The following NRG2 variants were observed in gnomAD, a reference collection of about 807,000 sequenced individuals.
The protein encoded by NRG2 is neuregulin 2, also known as pro-neuregulin-2, membrane-bound isoform.
Under a neutral mutation model 73.9 loss-of-function variants are expected in NRG2, and 27 were observed. That is an observed-to-expected ratio of 0.37 (90% CI 0.27 to 0.50). The LOEUF is 0.50. Ranked by LOEUF, NRG2 falls within the 20% of genes least tolerant of loss-of-function variation. The pLI is 0.96. For missense variants in NRG2, 1,126 were observed against 1,210.1 expected, an observed-to-expected ratio of 0.93 and a Z score of 1.03; for synonymous variants, 532 against 541.0, an observed-to-expected ratio of 0.98 and a Z score of 0.23.
At chr5:139,884,374 G>A (rs956847562) in intron 2 of NRG2, among the ~76,000 whole-genome samples, 2 of 152,192 alleles carry the variant, frequency 1.3e-5, no homozygotes, top group African/African-American at 4.8e-5. Context: ...CTGGGCCCAA[G>A]TCCAGAGCCA....
chr5:140,016,955 A>G (rs1358782678), intron 1 of NRG2, among the ~76,000 whole-genome samples: 5 of 152,208 alleles, frequency 3.3e-5, no homozygotes, highest in Non-Finnish European at 7.3e-5. Context: ...GTTTTGTTGT[A>G]ATATATGCTA....
intron 1 of NRG2, among the ~76,000 whole-genome samples, chr5:139,890,197 T>C (rs1251833141): frequency 6.6e-6 from 1 of 152,098 alleles, no homozygotes; most frequent in East Asian, 1.9e-4. Flanking sequence ...AACGTCTCTT[T>C]GTCATTTTAA....
At chr5:139,928,425 T>C (rs1752219319) in intron 1 of NRG2, among the ~76,000 whole-genome samples, 1 of 152,216 alleles carries the variant, frequency 6.6e-6, no homozygotes, top group South Asian at 2.1e-4. Context: ...TCTTCTTCAC[T>C]GATGCACACT....
At chr5:139,892,973 C>T (rs558308785) in intron 1 of NRG2, among the ~76,000 whole-genome samples, 1 of 152,242 alleles carries the variant, frequency 6.6e-6, no homozygotes, top group South Asian at 2.1e-4. Context: ...GTAACCACCC[C>T]TACTCCGCAA....
Position 139,848,143 on chromosome 5 carries a change from G to A in NRG2, c.2327C>T (p.Ala776Val), listed in dbSNP as rs1214208202. The A allele has an allele frequency of 2.1e-6, 3 of 1,462,094 alleles. No homozygotes were observed. Among genetic ancestry groups the A allele is most frequent in the Admixed American group, 5.0e-5 (2 of 39,626 alleles). 90.6% of individuals were successfully genotyped at this position (1,462,094 alleles called of 1,614,324 possible). A position where few individuals can be genotyped will look rare whatever the true frequency, so the allele number is the denominator to read the frequency against. ...SSGSGGGSAS[A>V]SDDDADDADG... Reference sequence around the variant, plus strand: ...CGCGTCGTCCGCGTCGTCGTCCGACGCCGAGGCTGAGCCGCCGCCCGAGCC... The same window carrying A: ...CGCGTCGTCCGCGTCGTCGTCCGACACCGAGGCTGAGCCGCCGCCCGAGCC... Residue 776 changes from alanine to valine, a missense_variant, in exon 10 of 10, where the codon GCG (alanine) becomes GTG (valine). By Grantham distance (64) the Ala-to-Val change is moderately conservative. Around this residue, in one of 3 missense-constraint regions of NRG2, gnomAD observed 402 missense variants for 357.8 expected, o/e 1.12. Transcript: ENST00000361474.
chr5:139,969,879 C>T (rs955224329), intron 1 of NRG2, among the ~76,000 whole-genome samples: 1 of 152,148 alleles, frequency 6.6e-6, no homozygotes, highest in Non-Finnish European at 1.5e-5. Context: ...GACATATGAA[C>T]TTAAATAATA....
intron 1 of NRG2, among the ~76,000 whole-genome samples, chr5:139,919,014 T>TA (rs1751472112): frequency 6.6e-6 from 1 of 152,162 alleles, no homozygotes; most frequent in African/African-American, 2.4e-5. Context: ...AATAAAGAAG[T>TA]AAAAAAGTTT....
chr5:139,946,367 T>A (rs912850654), intron 1 of NRG2, among the ~76,000 whole-genome samples: 2 of 152,068 alleles, frequency 1.3e-5, no homozygotes, highest in Non-Finnish European at 2.9e-5. Context: ...AGGAAAGAAT[T>A]ACAAATTGTT....
At chr5:139,985,604 T>C (rs889796026) in intron 1 of NRG2, among the ~76,000 whole-genome samples, 1 of 152,158 alleles carries the variant, frequency 6.6e-6, no homozygotes, top group Admixed American at 6.5e-5. Flanking sequence ...ACCTTCCCCA[T>C]AAAAATGCAT....
intron 1 of NRG2, among the ~76,000 whole-genome samples, chr5:139,993,029 T>C (rs1757754154): frequency 6.6e-6 from 1 of 152,142 alleles, no homozygotes; most frequent in South Asian, 2.1e-4. Context: ...ACCAGATTAT[T>C]TGTTGTGTGG....
In NRG2 at chr5:139,954,231, C is replaced by T. The variant is rs556902324; in HGVS notation, c.701-66720G>A. Among the ~76,000 whole-genome samples, 2 of 152,292 alleles carry T rather than the reference C, an allele frequency of 1.3e-5. No homozygotes were observed. The highest frequency in any genetic ancestry group is 4.8e-5 in the African/African-American group (2 of 41,558). ...GAGAAATCCAGCCCAACCCAGGTCA[C>T]GGTCACAGCCCTGAGCAGCCAGCAG... On this transcript the variant is annotated intron_variant, in intron 1 of 9. Coordinates refer to ENST00000361474, the MANE Select transcript of NRG2 (RefSeq NM_004883.3). This position sits in a 1 kb window ranked among gnomAD's most constrained non-coding sequence, Gnocchi z 5.0.
chr5:140,017,301 G>T (rs1759864525), intron 1 of NRG2, among the ~76,000 whole-genome samples: 1 of 152,118 alleles, frequency 6.6e-6, no homozygotes, highest in Non-Finnish European at 1.5e-5. Flanking sequence ...TTTCACTGGG[G>T]CATGTCCAGT....
intron 1 of NRG2, among the ~76,000 whole-genome samples, chr5:139,955,551 G>C (rs1319533159): frequency 2.6e-5 from 4 of 152,090 alleles, no homozygotes; most frequent in Non-Finnish European, 5.9e-5. Context: ...TCATGGGAGG[G>C]GCTGTGGTGC....
chr5:140,036,620 G>A (rs1010504778), intron 1 of NRG2, among the ~76,000 whole-genome samples: 4 of 152,124 alleles, frequency 2.6e-5, no homozygotes, highest in African/African-American at 9.7e-5. Context: ...TTCATAAACT[G>A]GACTTATTTC....
chr5:139,982,555 C>T (rs72796733), intron 1 of NRG2, among the ~76,000 whole-genome samples: 1,941 of 152,232 alleles, frequency 0.013, 20 homozygotes, highest in Non-Finnish European at 0.02. Context: ...TTCTTCAAGT[C>T]GTAGTCAATT....
At chr5:140,031,841 G>A (rs889802660) in intron 1 of NRG2, among the ~76,000 whole-genome samples, 14 of 152,128 alleles carry the variant, frequency 9.2e-5, no homozygotes, top group African/African-American at 3.1e-4. Flanking sequence ...GAAAGGTGGT[G>A]TCTAACAGTC....
chr5:139,890,740 T>C (rs1035229681), intron 1 of NRG2, among the ~76,000 whole-genome samples: 7 of 152,210 alleles, frequency 4.6e-5, no homozygotes, highest in Admixed American at 3.9e-4. Context: ...AAGCAGAAGC[T>C]GTGAGTGTGG....
In NRG2 at chr5:139,853,128, G is replaced by C; in HGVS notation, c.1293-101C>G. On this transcript the variant is annotated intron_variant, in intron 6 of 9. Coordinates refer to ENST00000361474, the MANE Select transcript of NRG2 (RefSeq NM_004883.3). The surrounding 1 kb of genome is among the most constrained non-coding windows in gnomAD (Gnocchi z 4.1). ...GGGAAACAGCTTTTCCTCCTGCCCA[G>C]GGTGGCCATGGCTACTGCTCGTCCC... is the stretch of plus-strand genomic sequence containing the variant. 1 of 1,525,144 alleles carries C rather than the reference G, an allele frequency of 6.6e-7. No homozygotes were observed. Among genetic ancestry groups the C allele is most frequent in the Non-Finnish European group, 8.9e-7 (1 of 1,124,560 alleles). The allele number at this position is 1,525,144 out of a possible 1,614,324, so 94.5% of individuals were successfully genotyped here.
At chr5:139,882,693 G>A (rs1472701657) in intron 2 of NRG2, among the ~76,000 whole-genome samples, 1 of 152,086 alleles carries the variant, frequency 6.6e-6, no homozygotes, top group African/African-American at 2.4e-5. Context: ...AAGGGGGATC[G>A]CCTGAGGGTC....
Sources: allele counts gnomAD v4.1 joint callset (sites outside exome capture counted in the v4.1 genomes callset), GRCh38; gene constraint gnomAD v4.1.1; regional missense constraint gnomAD v4.1.1; non-coding constraint Gnocchi (gnomAD v3.1); transcripts MANE v1.5; gene names NCBI Gene and HGNC (gene_info 2026-07-23, HGNC 2026-07-21).